Variants in KCNH7 observed in about 807,000 individuals in gnomAD.
KCNH7 encodes the protein voltage-gated inwardly rectifying potassium channel KCNH7.
Under a neutral mutation model 120.8 loss-of-function variants are expected in KCNH7, and 49 were observed. That is an observed-to-expected ratio of 0.41 (90% CI 0.32 to 0.51). KCNH7 has a LOEUF of 0.51. Among genes scored for constraint, KCNH7 ranks in the 20% least tolerant of loss-of-function variants. The pLI is 0.38. For missense variants in KCNH7, 1,097 were observed against 1,446.6 expected (o/e 0.76, Z 3.92); for synonymous variants, 547 against 516.1 (o/e 1.06, Z -0.81).
rs544415314 is a variant in KCNH7, at chr2:162,545,568, G to T, written c.308-8488C>A. Among the ~76,000 whole-genome samples, 31 of 152,258 alleles carry T rather than the reference G, an allele frequency of 2.0e-4. 1 individual carries two copies. In the South Asian group the frequency reaches 6.0e-3, roughly 30 times the overall value. ...ATATATTTGCTTGATATTGGCTCTGGTCTGAGATCTCAGGAATCTAGTTAA... is the reference window on the plus strand; with the variant it reads ...ATATATTTGCTTGATATTGGCTCTGTTCTGAGATCTCAGGAATCTAGTTAA... On this transcript the variant is annotated intron_variant, in intron 2 of 15. Transcript: ENST00000332142.
At chr2:162,522,837 G>C (rs762082196) in intron 3 of KCNH7, among the ~76,000 whole-genome samples, 12 of 151,712 alleles carry the variant, frequency 7.9e-5, no homozygotes, top group Non-Finnish European at 1.0e-4. Flanking sequence ...TTGTTAATAT[G>C]CATGAATATA....
chr2:162,415,030 C>A (rs1206606090), intron 9 of KCNH7, among the ~76,000 whole-genome samples: 2 of 152,006 alleles, frequency 1.3e-5, no homozygotes, highest in African/African-American at 4.8e-5. Flanking sequence ...TACCATAAAT[C>A]ATGCCGTATA....
chr2:162,561,727 T>G (rs1414776161), intron 2 of KCNH7, among the ~76,000 whole-genome samples: 1 of 152,208 alleles, frequency 6.6e-6, no homozygotes. Flanking sequence ...TTGCCCACTT[T>G]CCGATGGCAT....
At chr2:162,622,486 T>C (rs1178795937) in intron 2 of KCNH7, among the ~76,000 whole-genome samples, 1 of 152,190 alleles carries the variant, frequency 6.6e-6, no homozygotes, top group African/African-American at 2.4e-5. Flanking sequence ...TTTAAATTAG[T>C]TTCCTCTTAA....
chr2:162,687,612 T>C (rs1685942265), intron 2 of KCNH7, among the ~76,000 whole-genome samples: 1 of 152,088 alleles, frequency 6.6e-6, no homozygotes, highest in Non-Finnish European at 1.5e-5. Flanking sequence ...TGGAAATATT[T>C]ACACCACGAA....
At chr2:162,752,923 GA>G (rs1434142629) in intron 2 of KCNH7, among the ~76,000 whole-genome samples, 6 of 66,130 alleles carry the variant, frequency 9.1e-5, no homozygotes, top group East Asian at 5.6e-4. Context: ...GAAAAGAAAA[GA>G]AAAGAAAAGA....
intron 2 of KCNH7, among the ~76,000 whole-genome samples, chr2:162,741,270 CAT>C (rs573785028): frequency 2.3e-4 from 34 of 149,050 alleles, no homozygotes; most frequent in Admixed American, 6.7e-4. Flanking sequence ...ATATTAATAA[CAT>C]ATGTTATTAG....
chr2:162,421,729 T>C (rs918533652), intron 9 of KCNH7, among the ~76,000 whole-genome samples: 1 of 152,192 alleles, frequency 6.6e-6, no homozygotes, highest in Non-Finnish European at 1.5e-5. Context: ...TAAACCATAT[T>C]CATAGGTAAT....
At chr2:162,519,299 T>C (rs1216277537) in intron 3 of KCNH7, among the ~76,000 whole-genome samples, 1 of 151,878 alleles carries the variant, frequency 6.6e-6, no homozygotes, top group Non-Finnish European at 1.5e-5. Context: ...GAATAAATTA[T>C]GGCATTTTTA....
chr2:162,782,562 C>T (rs1438110870), intron 2 of KCNH7, among the ~76,000 whole-genome samples: 1 of 152,080 alleles, frequency 6.6e-6, no homozygotes, highest in African/African-American at 2.4e-5. Context: ...GAGACAAGAC[C>T]AGAGACCAAA....
chr2:162,477,505 T>C (rs531344177), intron 6 of KCNH7, among the ~76,000 whole-genome samples: 36 of 152,322 alleles, frequency 2.4e-4, no homozygotes, highest in African/African-American at 8.2e-4. Context: ...GGAGGGACTT[T>C]ATATGAGGGA....
intron 2 of KCNH7, among the ~76,000 whole-genome samples, chr2:162,700,376 G>A (rs193182529): frequency 1.4e-4 from 21 of 152,240 alleles, no homozygotes; most frequent in Admixed American, 6.6e-5. Context: ...GACTGACCTC[G>A]TGACTGGAAA....
intron 2 of KCNH7, among the ~76,000 whole-genome samples, chr2:162,804,891 T>C (rs192621433): frequency 6.6e-6 from 1 of 151,830 alleles, no homozygotes; most frequent in East Asian, 1.9e-4. Flanking sequence ...ATCTTAATGA[T>C]ATAGACACAT....
intron 8 of KCNH7, among the ~76,000 whole-genome samples, chr2:162,434,105 TA>T (rs1433227894): frequency 1.3e-5 from 2 of 152,084 alleles, no homozygotes; most frequent in Non-Finnish European, 2.9e-5. Flanking sequence ...TGGAGGCCAT[TA>T]TCCTAAGTGA....
At chr2:162,807,108 A>C (rs1246979735) in intron 2 of KCNH7, among the ~76,000 whole-genome samples, 1 of 151,782 alleles carries the variant, frequency 6.6e-6, no homozygotes, top group African/African-American at 2.4e-5. Flanking sequence ...TTTGCAAAAA[A>C]CAAAAACAAA....
At chr2:162,428,411 T>C (rs1687938495) in intron 8 of KCNH7, among the ~76,000 whole-genome samples, 1 of 151,894 alleles carries the variant, frequency 6.6e-6, no homozygotes, top group Non-Finnish European at 1.5e-5. Context: ...TTTGTATGAT[T>C]TTAGCATTTT....
At chr2:162,392,911 T>C (rs1686787490) in intron 12 of KCNH7, among the ~76,000 whole-genome samples, 1 of 150,960 alleles carries the variant, frequency 6.6e-6, no homozygotes, top group African/African-American at 2.4e-5. Context: ...TCAACAGAAG[T>C]CCAGTGTGGA....
chr2:162,418,113 T>C (rs920433129), intron 9 of KCNH7, among the ~76,000 whole-genome samples: 2 of 152,168 alleles, frequency 1.3e-5, no homozygotes, highest in African/African-American at 4.8e-5. Context: ...TCAACTAATC[T>C]ACATGCAGAT....
At chr2:162,772,893 C>CA (rs1463429683) in intron 2 of KCNH7, among the ~76,000 whole-genome samples, 1 of 152,034 alleles carries the variant, frequency 6.6e-6, no homozygotes, top group Non-Finnish European at 1.5e-5. Flanking sequence ...AGAAGAAAAA[C>CA]AAAAAGGTCT....
Sources: gnomAD v4.1 joint callset for allele counts (sites outside exome capture counted in the v4.1 genomes callset) on GRCh38, gnomAD v4.1.1 for gene constraint, MANE v1.5 for transcripts, NCBI Gene and HGNC (gene_info 2026-07-23, HGNC 2026-07-21) for gene names.